Variants in PRMT8 observed in about 807,000 individuals in gnomAD.
PRMT8 encodes the protein protein arginine N-methyltransferase 8.
Under a neutral mutation model 47.1 loss-of-function variants are expected in PRMT8, and 7 were observed. The ratio of observed to expected loss-of-function variants is 0.15; its 90% CI spans 0.08 to 0.28. The LOEUF is 0.28. PRMT8 is among the 10% of genes least tolerant of loss of function. The probability of loss-of-function intolerance (pLI) is 1.00; values close to 1 mark genes in which losing one functional copy is unlikely to be tolerated. For synonymous variants in PRMT8, 188 were observed against 186.5 expected (o/e 1.01, Z -0.07); for missense variants, 237 against 505.4 (o/e 0.47, Z 5.09).
Position 3,540,630 on chromosome 12 carries a change from C to T in PRMT8, c.100C>T (p.Pro34Ser). The T allele has an allele frequency of 1.3e-6, 2 of 1,560,856 alleles. No individual in the cohort carries two copies. The highest frequency in any genetic ancestry group is 1.8e-6 in the Non-Finnish European group (2 of 1,133,026). Residue 34 changes from proline (P) to serine (S), a missense_variant, in exon 2 of 10, where the codon CCC (proline) becomes TCC (serine). By Grantham distance (74) the Pro-to-Ser change is moderately conservative. Transcript: ENST00000382622. Reference sequence around the variant, plus strand: ...GGTGAACAGCCCCCCCTCCCAGCCCCCCCAGCCCGTCGTCCCTGCTAAGCC... The same window carrying T: ...GGTGAACAGCCCCCCCTCCCAGCCCTCCCAGCCCGTCGTCCCTGCTAAGCC... ...TEVNSPPSQP[P>S]QPVVPAKPVQ...
intron 4 of PRMT8, among the ~76,000 whole-genome samples, chr12:3,559,786 T>G (rs986232117): frequency 1.4e-4 from 21 of 152,298 alleles, no homozygotes; most frequent in Admixed American, 1.3e-3. Context: ...GGCACCCTCC[T>G]CTGCTTGAGC....
chr12:3,494,003 G>T (rs1207548662), intron 1 of PRMT8, among the ~76,000 whole-genome samples: 2 of 152,216 alleles, frequency 1.3e-5, no homozygotes, highest in African/African-American at 4.8e-5. Flanking sequence ...TTCCCTCCAG[G>T]AACTGGCTGT....
intron 1 of PRMT8, among the ~76,000 whole-genome samples, chr12:3,479,068 C>G (rs1865247266): frequency 1.3e-5 from 2 of 152,206 alleles, no homozygotes; most frequent in South Asian, 4.1e-4. Context: ...CAGGCTCTGA[C>G]TGGGAAGTGG....
chr12:3,402,545 T>C (rs1031647862), intron 1 of PRMT8, among the ~76,000 whole-genome samples: 24 of 152,194 alleles, frequency 1.6e-4, no homozygotes, highest in Non-Finnish European at 2.9e-4. Flanking sequence ...TCCTACAGAA[T>C]GGGAGAAAAT....
chr12:3,390,918 A>T (rs935322816), intron 1 of PRMT8, among the ~76,000 whole-genome samples: 7 of 152,234 alleles, frequency 4.6e-5, no homozygotes, highest in Non-Finnish European at 1.0e-4. Context: ...GGCTGAGCGA[A>T]TAGCTCTGGA....
chr12:3,573,473 A>T (rs1866887042), intron 6 of PRMT8, among the ~76,000 whole-genome samples: 1 of 152,114 alleles, frequency 6.6e-6, no homozygotes, highest in Admixed American at 6.5e-5. Context: ...AGCATCTCTA[A>T]ATTTGGTTCT....
intron 4 of PRMT8, among the ~76,000 whole-genome samples, chr12:3,559,591 C>T (rs1333409895): frequency 6.6e-6 from 1 of 152,172 alleles, no homozygotes; most frequent in South Asian, 2.1e-4. Context: ...ATATTTCTAC[C>T]TCCTTTCTCT....
intron 1 of PRMT8, among the ~76,000 whole-genome samples, chr12:3,448,429 A>G (rs1266634629): frequency 6.6e-6 from 1 of 152,256 alleles, no homozygotes; most frequent in Admixed American, 6.5e-5. Context: ...TTCATTTAAA[A>G]TAATAAGCTA....
At chr12:3,416,512 C>T (rs1356613468) in intron 1 of PRMT8, among the ~76,000 whole-genome samples, 4 of 152,206 alleles carry the variant, frequency 2.6e-5, no homozygotes, top group Non-Finnish European at 5.9e-5. Context: ...ATGAGGCAGG[C>T]ACTAAGTAAA....
In PRMT8 at chr12:3,518,409, T is replaced by TTAA. The variant is rs1555088237; in HGVS notation, c.76-22197_76-22196insTAA. 6.0e-5 allele frequency among the ~76,000 whole-genome samples: 9 copies of TTAA among 148,978 alleles called. No individual in the cohort carries two copies. In the South Asian group the frequency reaches 1.3e-3, roughly 21 times the overall value. On this transcript the variant is annotated intron_variant, in intron 1 of 9. Coordinates refer to ENST00000382622, the MANE Select transcript of PRMT8 (RefSeq NM_019854.5). ...AGAGTTAGGAATTCTTTTTTTTTTT[T>TTAA]AAAAAAAAGGCCACTCTTGGAAAAT...
At chr12:3,469,440 A>G (rs1865137268) in intron 1 of PRMT8, 1 of 198,226 alleles carries the variant, frequency 5.0e-6, no homozygotes, top group Non-Finnish European at 1.0e-5. Context: ...CACCCTGCAG[A>G]CATGATCCAA....
At chr12:3,543,860 G>C (rs1263854273) in intron 2 of PRMT8, among the ~76,000 whole-genome samples, 1 of 152,186 alleles carries the variant, frequency 6.6e-6, no homozygotes, top group Non-Finnish European at 1.5e-5. Flanking sequence ...ACCTAGAGAG[G>C]AGGTGGTAGG....
intron 1 of PRMT8, among the ~76,000 whole-genome samples, chr12:3,455,911 C>T (rs1202417472): frequency 1.3e-5 from 2 of 152,190 alleles, no homozygotes; most frequent in South Asian, 2.1e-4. Context: ...CCGCGTGATG[C>T]CGTGAAAACA....
At chr12:3,422,499 C>A (rs1345854290) in intron 1 of PRMT8, among the ~76,000 whole-genome samples, 1 of 152,168 alleles carries the variant, frequency 6.6e-6, no homozygotes, top group Non-Finnish European at 1.5e-5. Flanking sequence ...GTGAGCAATT[C>A]CTGTCCCTTT....
At position 3,508,525 on chromosome 12, in the gene PRMT8, A is replaced by T. The variant is rs1399858512; in HGVS notation, c.75+16825A>T. On this transcript the variant is annotated intron_variant, in intron 1 of 9. Transcript: ENST00000382622. The surrounding 1 kb of genome is among the most constrained non-coding windows in gnomAD (Gnocchi z 4.9). ...CCGGGCGTGGGAATAGTTGAGGGAG[A>T]GTCTTGTAAAGATAGATCCGAGTTT... is the stretch of plus-strand genomic sequence containing the variant. Among the ~76,000 whole-genome samples, 1 of 152,022 alleles carries T rather than the reference A, an allele frequency of 6.6e-6. No homozygotes were observed. Among genetic ancestry groups the T allele is most frequent in the African/African-American group, 2.4e-5 (1 of 41,382 alleles).
In PRMT8 at chr12:3,592,723, T is replaced by G. The variant is rs550158595; in HGVS notation, c.1101+371T>G. On this transcript the variant is annotated intron_variant, in intron 9 of 9. Coordinates refer to ENST00000382622, the MANE Select transcript of PRMT8 (RefSeq NM_019854.5). The stretch of plus-strand genomic sequence containing the variant: ...GCGTGCATTTCTTCAGCTGGCCTGG[T>G]GCGAGGGAGACTTGCTGGCACTTTC... 2.0e-5 allele frequency among the ~76,000 whole-genome samples: 3 copies of G among 152,286 alleles called. No individual in the cohort carries two copies. In the South Asian group the frequency reaches 6.2e-4, roughly 32 times the overall value.
At chr12:3,462,435 GA>G (rs1865052113) in intron 1 of PRMT8, among the ~76,000 whole-genome samples, 1 of 152,032 alleles carries the variant, frequency 6.6e-6, no homozygotes, top group Admixed American at 6.5e-5. Context: ...AAATAACTTA[GA>G]TGAATGACTT....
At chr12:3,562,405 C>T (rs1866652293) in intron 4 of PRMT8, among the ~76,000 whole-genome samples, 1 of 151,710 alleles carries the variant, frequency 6.6e-6, no homozygotes, top group Admixed American at 6.6e-5. Context: ...GTGACTAGCA[C>T]AGACAACATC....
intron 1 of PRMT8, among the ~76,000 whole-genome samples, chr12:3,478,286 ATCTATCT>A (rs1865236821): frequency 7.0e-6 from 1 of 143,254 alleles, no homozygotes; most frequent in African/African-American, 2.6e-5. Context: ...CTATCTATCT[ATCTATCT>A]ATCTATCTAT....
Sources: allele counts gnomAD v4.1 joint callset (sites outside exome capture counted in the v4.1 genomes callset), GRCh38; gene constraint gnomAD v4.1.1; non-coding constraint Gnocchi (gnomAD v3.1); transcripts MANE v1.5; gene names NCBI Gene and HGNC (gene_info 2026-07-23, HGNC 2026-07-21).